RBFOX1: variants seen among roughly 807,000 people sequenced by gnomAD.
RBFOX1 encodes the protein RNA binding fox-1 homolog 1.
In RBFOX1, 8 loss-of-function variants were observed where a neutral mutation model predicts 57.7. The observed-to-expected ratio is 0.14, with a 90% CI of 0.08 to 0.25. The LOEUF (loss-of-function observed/expected upper bound fraction) is 0.25. Ranked by LOEUF, RBFOX1 falls within the 10% of genes least tolerant of loss-of-function variation. The probability of loss-of-function intolerance (pLI) is 1.00; values close to 1 mark genes in which losing one functional copy is unlikely to be tolerated. For synonymous variants in RBFOX1, 326 were observed against 222.4 expected (o/e 1.47, Z -4.15); for missense variants, 611 against 548.5 (o/e 1.11, Z -1.14).
intron 3 of RBFOX1, among the ~76,000 whole-genome samples, chr16:6,811,538 G>T (rs1218729427): frequency 2.0e-5 from 3 of 152,136 alleles, no homozygotes; most frequent in African/African-American, 7.2e-5. Context: ...AGTTAAAAAG[G>T]TACTTTTGTT....
At chr16:7,183,995 T>G (rs974207997) in intron 4 of RBFOX1, among the ~76,000 whole-genome samples, 4 of 151,990 alleles carry the variant, frequency 2.6e-5, no homozygotes, top group Admixed American at 2.6e-4. Flanking sequence ...TAGGATGATG[T>G]GAACTGAAAT....
chr16:5,262,755 A>C (rs58331892), intron 1 of RBFOX1, among the ~76,000 whole-genome samples: 3,681 of 152,274 alleles, frequency 0.024, 159 homozygotes, highest in African/African-American at 0.084. Flanking sequence ...GTTTGGGAAG[A>C]CTGGGGTGCT....
At chr16:5,503,346 C>G (rs1039499251) in intron 2 of RBFOX1, among the ~76,000 whole-genome samples, 18 of 152,244 alleles carry the variant, frequency 1.2e-4, no homozygotes, top group African/African-American at 3.4e-4. Context: ...TCCCTCACCC[C>G]TCTTCTTTTT....
intron 3 of RBFOX1, among the ~76,000 whole-genome samples, chr16:5,654,799 C>G (rs2049371429): frequency 6.6e-6 from 1 of 151,664 alleles, no homozygotes; most frequent in South Asian, 2.1e-4. Flanking sequence ...TCCTCTCTCT[C>G]TCTCTCTGTC....
chr16:6,876,462 C>G (rs1036697098), intron 3 of RBFOX1, among the ~76,000 whole-genome samples: 1 of 152,068 alleles, frequency 6.6e-6, no homozygotes, highest in Non-Finnish European at 1.5e-5. Context: ...AAAATCACCA[C>G]CTTGGTTTTT....
chr16:7,151,890 G>C (rs561522421), intron 4 of RBFOX1, among the ~76,000 whole-genome samples: 1 of 152,070 alleles, frequency 6.6e-6, no homozygotes, highest in African/African-American at 2.4e-5. Flanking sequence ...TGCTGCTGCC[G>C]ATCTGACAGG....
intron 2 of RBFOX1, among the ~76,000 whole-genome samples, chr16:5,479,492 C>T (rs1036247710): frequency 1.2e-4 from 19 of 152,160 alleles, no homozygotes; most frequent in African/African-American, 2.4e-4. Flanking sequence ...GGCATGGTGG[C>T]TCATGCTTGT....
Position 6,839,251 on chromosome 16 carries a change from C to G in RBFOX1, c.-16+184601C>G, listed in dbSNP as rs148486597. Among the ~76,000 whole-genome samples the G allele has an allele frequency of 6.8e-3, 1,032 of 152,238 alleles. 17 individuals are homozygous for G. Among genetic ancestry groups the G allele is most frequent in the African/African-American group, 0.023 (952 of 41,548 alleles). The stretch of plus-strand genomic sequence containing the variant: ...CCACCCGCCTCAGCCCCCCAAAGTG[C>G]TGGGATTACAGGCAAGAGCCACTGT... On this transcript the variant is annotated intron_variant, in intron 3 of 15. Transcript: ENST00000550418.
intron 3 of RBFOX1, chr16:5,616,048 C>G (rs529090915): frequency 8.5e-5 from 13 of 152,756 alleles, no homozygotes; most frequent in African/African-American, 2.9e-4. Context: ...CTCTTCTCCA[C>G]TCCCCTCCCT....
rs1000965042 is a variant in RBFOX1, at chr16:6,921,656, T to C, written c.-15-130401T>C. On this transcript the variant is annotated intron_variant, in intron 3 of 15. Transcript: ENST00000550418. Reference sequence around the variant, plus strand: ...ATATATATATATATATTTTTTTTTTTCTTAGGGTTGCTTTCAATCAATAGA... The same window carrying C: ...ATATATATATATATATTTTTTTTTTCCTTAGGGTTGCTTTCAATCAATAGA... Among the ~76,000 whole-genome samples, 69 of 150,518 alleles carry C rather than the reference T, an allele frequency of 4.6e-4. No homozygotes were observed. The East Asian group carries it at 5.0e-3, about 11-fold the overall frequency.
chr16:5,464,692 G>A (rs972101449), intron 1 of RBFOX1, among the ~76,000 whole-genome samples: 4 of 152,240 alleles, frequency 2.6e-5, no homozygotes, highest in Admixed American at 1.3e-4. Flanking sequence ...CAGCCCAGCT[G>A]TGGAGGGTGG....
chr16:7,659,206 T>C (rs1020288346), intron 12 of RBFOX1, among the ~76,000 whole-genome samples: 5 of 152,156 alleles, frequency 3.3e-5, no homozygotes, highest in African/African-American at 1.2e-4. Context: ...ATTTGGGGTA[T>C]AGGAAAGATA....
chr16:6,981,828 A>T (rs1362690221), intron 3 of RBFOX1, among the ~76,000 whole-genome samples: 1 of 152,138 alleles, frequency 6.6e-6, no homozygotes, highest in Non-Finnish European at 1.5e-5. Context: ...TGGGGTGGGG[A>T]CACAGCCAAG....
intron 2 of RBFOX1, among the ~76,000 whole-genome samples, chr16:6,407,709 T>C (rs150982265): frequency 1.7e-4 from 26 of 152,192 alleles, no homozygotes; most frequent in African/African-American, 5.5e-4. Flanking sequence ...TGAATTGCAA[T>C]TGTGGTAAGT....
At chr16:6,977,254 A>T (rs1013504333) in intron 3 of RBFOX1, among the ~76,000 whole-genome samples, 4 of 150,646 alleles carry the variant, frequency 2.7e-5, no homozygotes, top group Non-Finnish European at 5.9e-5. Flanking sequence ...GATCTTGGGC[A>T]GATTTGCTCT....
chr16:7,623,327 T>C (rs2059591077), intron 10 of RBFOX1, among the ~76,000 whole-genome samples: 1 of 152,178 alleles, frequency 6.6e-6, no homozygotes, highest in Admixed American at 6.5e-5. Context: ...TATTACATTG[T>C]AATATATAAT....
intron 1 of RBFOX1, among the ~76,000 whole-genome samples, chr16:6,253,662 TG>T (rs2097640538): frequency 8.0e-6 from 1 of 125,224 alleles, no homozygotes; most frequent in Non-Finnish European, 1.7e-5. Context: ...GAAATAGATG[TG>T]TGTGTGTGTG....
intron 1 of RBFOX1, among the ~76,000 whole-genome samples, chr16:5,366,993 G>A (rs1413509305): frequency 1.3e-5 from 2 of 152,162 alleles, no homozygotes; most frequent in Admixed American, 1.3e-4. Flanking sequence ...ATAAAACTCA[G>A]TATTTTAATA....
Position 6,468,313 on chromosome 16 carries a change from G to C in RBFOX1, c.-64+151256G>C, listed in dbSNP as rs1177095675. 2.6e-5 allele frequency among the ~76,000 whole-genome samples: 4 copies of C among 152,128 alleles called. No homozygotes were observed. The South Asian group carries it at 8.3e-4, about 31-fold the overall frequency. On this transcript the variant is annotated intron_variant, in intron 2 of 15. Coordinates refer to ENST00000550418, the MANE Select transcript of RBFOX1 (RefSeq NM_018723.4). ...AGTTACCCAGATATGTTGGCAGAAT[G>C]GCAAGGCTACATTCATCATAGAACT... is the stretch of plus-strand genomic sequence containing the variant.
Sources: allele counts gnomAD v4.1 joint callset (sites outside exome capture counted in the v4.1 genomes callset), GRCh38; gene constraint gnomAD v4.1.1; transcripts MANE v1.5; gene names NCBI Gene and HGNC (gene_info 2026-07-23, HGNC 2026-07-21).